LAMA4: variants seen among roughly 807,000 people sequenced by gnomAD.
LAMA4 encodes the protein laminin subunit alpha-4.
Under a neutral mutation model 207.1 loss-of-function variants are expected in LAMA4, and 127 were observed. That is an observed-to-expected ratio of 0.61 (90% confidence interval 0.53 to 0.71). The LOEUF (loss-of-function observed/expected upper bound fraction) is 0.71, where lower values mean the gene tolerates loss of function less well. LAMA4 is among the 30% of genes least tolerant of loss of function. LAMA4 has a pLI of 0.00. For synonymous variants in LAMA4, 761 were observed against 816.0 expected, an observed-to-expected ratio of 0.93 and a Z score of 1.15; for missense variants, 2,093 against 2,246.5, an observed-to-expected ratio of 0.93 and a Z score of 1.38.
At chr6:112,237,955 T>C (rs1786057888) in intron 2 of LAMA4, among the ~76,000 whole-genome samples, 1 of 152,216 alleles carries the variant, frequency 6.6e-6, no homozygotes, top group African/African-American at 2.4e-5. Context: ...TCTCACTGTG[T>C]TTCTCTTTCT....
chr6:112,240,853 G>A (rs2114361824), intron 2 of LAMA4, among the ~76,000 whole-genome samples: 1 of 152,000 alleles, frequency 6.6e-6, no homozygotes, highest in East Asian at 1.9e-4. Flanking sequence ...GACAAATATA[G>A]GAGTGCAGAT....
chr6:112,211,513 G>C (rs575859450), intron 3 of LAMA4, among the ~76,000 whole-genome samples: 1 of 152,326 alleles, frequency 6.6e-6, no homozygotes, highest in African/African-American at 2.4e-5. Flanking sequence ...CCTGGTTCCT[G>C]CCTTTGAGTA....
In LAMA4 at chr6:112,139,158, G is replaced by A; in HGVS notation, c.3244C>T (p.Pro1082Ser). 6.2e-7 allele frequency: 1 copy of A among 1,614,148 alleles called. No homozygotes were observed. Among genetic ancestry groups the A allele is most frequent in the Non-Finnish European group, 8.5e-7 (1 of 1,180,000 alleles). ...VTRFDIEVRT[P>S]ADNGLILLMV... ...AGGAGAATAAGGCCGTTGTCAGCTG[G>A]TGTTCGAACTTCTATGTCAAAGCGA... The change falls in exon 24 of 39, where the codon CCA becomes TCA. Residue 1082 changes from proline (P) to serine (S), a missense_variant. Physicochemically the swap from Pro to Ser is moderately conservative, Grantham distance 74 (BLOSUM62 -1). Transcript: ENST00000230538.
At chr6:112,135,531 T>C (rs553456358) in intron 25 of LAMA4, among the ~76,000 whole-genome samples, 3 of 152,360 alleles carry the variant, frequency 2.0e-5, no homozygotes, top group African/African-American at 7.2e-5. Context: ...ACTTAAAAGA[T>C]ATTATGCCTT....
At position 112,160,034 on chromosome 6, in the gene LAMA4, C is replaced by T. The variant is rs782679187; in HGVS notation, c.1669-1154G>A. On this transcript the variant is annotated intron_variant, in intron 13 of 38. Coordinates refer to ENST00000230538, the MANE Select transcript of LAMA4 (RefSeq NM_001105206.3). Reference sequence around the variant, plus strand: ...TACTGGGACTGAATGTCAGCTACCCCACTTGGCTAAGAGACCTAAAGCCAT... The same window carrying T: ...TACTGGGACTGAATGTCAGCTACCCTACTTGGCTAAGAGACCTAAAGCCAT... 3.9e-5 allele frequency among the ~76,000 whole-genome samples: 6 copies of T among 152,272 alleles called. No homozygotes were observed. The South Asian group carries it at 6.2e-4, about 16-fold the overall frequency.
At chr6:112,191,247 G>T (rs9487840) in intron 6 of LAMA4, among the ~76,000 whole-genome samples, 27,928 of 151,898 alleles carry the variant, frequency 0.18, 3,119 homozygotes, top group African/African-American at 0.3. Context: ...CTCCCAAAGT[G>T]CTGGGATTAC....
rs1554336518 is a variant in LAMA4 at position 112,154,884 on chromosome 6, G to C, written c.2023C>G (p.Gln675Glu). 6.2e-7 allele frequency: 1 copy of C among 1,612,956 alleles called. No individual in the cohort carries two copies. The highest frequency in any genetic ancestry group is 1.7e-5 in the Admixed American group (1 of 60,022). Residue 675 changes from glutamine to glutamate, a missense_variant, in exon 16 of 39, where the codon CAA (glutamine) becomes GAA (glutamate). Physicochemically the swap from Gln to Glu is conservative, Grantham distance 29. Coordinates refer to ENST00000230538, the MANE Select transcript of LAMA4 (RefSeq NM_001105206.3). Reference protein sequence around the residue: ...HKDESENLLNQARELQAKAES... With the variant: ...HKDESENLLNEARELQAKAES... ...GCCTTTGCTTGCAGTTCTCTGGCTT[G>C]ATTGAGGAGGTTCTCACTTTCATCT...
chr6:112,148,309 G>A lies in LAMA4; in HGVS notation c.2201C>T (p.Ser734Phe). ...RGDAQQRLGQ[S>F]RLITEEANRT... is the part of the protein sequence containing the mutation. Reference sequence around the variant, plus strand: ...GTTGGCTTCCTCGGTGATCAGTCTAGACTGCCCCAGGCGCTGCTGGGCATC... The same window carrying A: ...GTTGGCTTCCTCGGTGATCAGTCTAAACTGCCCCAGGCGCTGCTGGGCATC... Residue 734 changes from serine to phenylalanine, a missense_variant, in exon 18 of 39, where the codon TCT becomes TTT. Physicochemically the swap from Ser to Phe is radical, Grantham distance 155. Transcript: ENST00000230538. The A allele has an allele frequency of 1.9e-6, 3 of 1,614,160 alleles. No individual in the cohort carries two copies. Among genetic ancestry groups the A allele is most frequent in the Non-Finnish European group, 2.5e-6 (3 of 1,180,012 alleles).
intron 26 of LAMA4, 145 bp from the exon 27 acceptor site, chr6:112,133,632 C>T (rs1272681305): frequency 4.8e-6 from 5 of 1,031,896 alleles, no homozygotes; most frequent in East Asian, 4.9e-5. Context: ...GATAGGCACA[C>T]AGCAATGTCT....
At chr6:112,192,113 T>C (rs1783154921) in intron 5 of LAMA4, among the ~76,000 whole-genome samples, 1 of 152,212 alleles carries the variant, frequency 6.6e-6, no homozygotes, top group Non-Finnish European at 1.5e-5. Context: ...TGAACTGGTA[T>C]ATCCAGCCAG....
At chr6:112,124,661 A>G (rs587597772) in intron 31 of LAMA4, among the ~76,000 whole-genome samples, 7 of 152,144 alleles carry the variant, frequency 4.6e-5, no homozygotes, top group African/African-American at 1.4e-4. Context: ...TGATAGTACT[A>G]GTTCAATTTA....
At chr6:112,178,012 C>T (rs1782123145) in intron 10 of LAMA4, 109 bp downstream of exon 10, 4 of 818,488 alleles carry the variant, frequency 4.9e-6, no homozygotes, top group Admixed American at 1.9e-5. Context: ...ACTGTACCAA[C>T]AAGTTCCTGG....
chr6:112,137,175 T>G (rs6924043), intron 24 of LAMA4, among the ~76,000 whole-genome samples: 117,747 of 152,052 alleles, frequency 0.77, 46,067 homozygotes, highest in South Asian at 0.87. Context: ...TTTACTGGAG[T>G]TTTGCTTGTT....
chr6:112,195,018 A>G (rs188517664), intron 5 of LAMA4, among the ~76,000 whole-genome samples: 233 of 152,294 alleles, frequency 1.5e-3, no homozygotes, highest in South Asian at 2.9e-3. Context: ...ATGTTTAGAA[A>G]AAAAGATTAT....
chr6:112,136,180 A>C lies in LAMA4; in HGVS notation c.3357T>G (p.Pro1119=), dbSNP rs782316528. ...TCTTTAACGTATCTTCAAGATGCACAGGGCCACCGCTGAATCCAAAATCAT... is the reference window on the plus strand; with the variant it reads ...TCTTTAACGTATCTTCAAGATGCACCGGGCCACCGCTGAATCCAAAATCAT... The part of the protein sequence containing the change: ...VFYDFGFSGG[P]VHLEDTLKKA... The change falls in exon 25 of 39, where the codon CCT becomes CCG. Residue 1119 remains proline (P), a synonymous_variant. Transcript: ENST00000230538. 30 of 1,612,336 alleles carry C rather than the reference A, an allele frequency of 1.9e-5. No individual in the cohort carries two copies. Among genetic ancestry groups the C allele is most frequent in the Non-Finnish European group, 2.4e-5 (28 of 1,178,628 alleles).
At chr6:112,185,636 A>T (rs1419372413) in intron 8 of LAMA4, among the ~76,000 whole-genome samples, 1 of 152,192 alleles carries the variant, frequency 6.6e-6, no homozygotes, top group African/African-American at 2.4e-5. Context: ...GTACAAAGGT[A>T]CAATATAGGC....
chr6:112,174,236 G>T (rs545078381), intron 11 of LAMA4, among the ~76,000 whole-genome samples: 1 of 152,316 alleles, frequency 6.6e-6, no homozygotes, highest in South Asian at 2.1e-4. Flanking sequence ...AGGCTTAAGA[G>T]ACCGTGTGCT....
intron 2 of LAMA4, among the ~76,000 whole-genome samples, chr6:112,251,946 T>A (rs1220686125): frequency 2.6e-5 from 4 of 152,154 alleles, no homozygotes; most frequent in South Asian, 2.1e-4. Context: ...TTTTTCCAGC[T>A]GGAAGAATAT....
intron 5 of LAMA4, among the ~76,000 whole-genome samples, chr6:112,192,563 G>A (rs1201101586): frequency 2.6e-5 from 4 of 152,188 alleles, no homozygotes; most frequent in Admixed American, 6.5e-5. Flanking sequence ...TTAGATATGC[G>A]CACCTACAGA....
Sources: allele counts gnomAD v4.1 joint callset (sites outside exome capture counted in the v4.1 genomes callset), GRCh38; gene constraint gnomAD v4.1.1; transcripts MANE v1.5; gene names NCBI Gene and HGNC (gene_info 2026-07-23, HGNC 2026-07-21).